Variants in DYNLL1 observed in about 807,000 individuals in gnomAD.
The protein encoded by DYNLL1 is dynein light chain 1, cytoplasmic.
A neutral mutation model predicts 10.1 loss-of-function variants in DYNLL1; 3 were observed. The observed-to-expected ratio is 0.30, with a 90% confidence interval of 0.14 to 0.77. DYNLL1 has a LOEUF of 0.77. Ranked by LOEUF, DYNLL1 falls within the 30% of genes least tolerant of loss-of-function variation. The pLI is 0.66. For missense variants in DYNLL1, 47 were observed against 111.7 expected (o/e 0.42, Z 2.61); for synonymous variants, 46 against 41.2 (o/e 1.12, Z -0.45).
chr12:120,472,728 C>T (rs556205435), intron 1 of DYNLL1, among the ~76,000 whole-genome samples: 7 of 152,272 alleles, frequency 4.6e-5, no homozygotes, highest in African/African-American at 1.4e-4. Context: ...GTGCAATGTC[C>T]TGCAGCATAC....
At chr12:120,492,418 T>C (rs757319986), upstream of DYNLL1, among the ~76,000 whole-genome samples, 1 of 152,042 alleles carries the variant, frequency 6.6e-6, no homozygotes, top group Non-Finnish European at 1.5e-5. The surrounding 1 kb of genome is among the most constrained non-coding windows in gnomAD (Gnocchi z 4.1). Context: ...AATACAAAGA[T>C]TAGCCAGGTG....
chr12:120,498,491 G>A lies in DYNLL1; in HGVS notation c.*281G>A, dbSNP rs1868543119. 2 of 298,408 alleles carry A rather than the reference G, an allele frequency of 6.7e-6. No homozygotes were observed. Among genetic ancestry groups the A allele is most frequent in the African/African-American group, 4.4e-5 (2 of 45,646 alleles). 18.5% of individuals were successfully genotyped at this position (298,408 alleles called of 1,614,324 possible). ...TTTAAAAAATAAATCTGATGCAGAT[G>A]TGTATGTGTGTGAATTACAATTTGT... On this transcript the variant is annotated 3_prime_UTR_variant, in exon 3 of 3. Coordinates refer to ENST00000242577, the MANE Select transcript of DYNLL1 (RefSeq NM_003746.3).
At chr12:120,487,272 CTTTTTTTTTTTTTTTTTTTTTTTTT>C (rs71076619) in intron 1 of DYNLL1, among the ~76,000 whole-genome samples, 4 of 50,382 alleles carry the variant, frequency 7.9e-5, no homozygotes, top group East Asian at 1.2e-3. Flanking sequence ...CGTGCCCGGC[CTTTTTTTTTTTTTTTTTTTTTTTTT>C]TTTTTTTTTT....
At chr12:120,478,616 C>T (rs975775105) in intron 1 of DYNLL1, among the ~76,000 whole-genome samples, 1 of 150,102 alleles carries the variant, frequency 6.7e-6, no homozygotes, top group African/African-American at 2.4e-5. Flanking sequence ...CTTAGGGAGG[C>T]TGAGGCGGGC....
intron 1 of DYNLL1, among the ~76,000 whole-genome samples, chr12:120,486,259 C>T (rs1244323517): frequency 1.3e-5 from 2 of 152,058 alleles, no homozygotes; most frequent in African/African-American, 2.4e-5. Flanking sequence ...CACCTGGCAC[C>T]CTGCTAATGA....
intron 1 of DYNLL1, among the ~76,000 whole-genome samples, chr12:120,478,658 C>T (rs983098952): frequency 8.1e-5 from 12 of 148,252 alleles, no homozygotes; most frequent in African/African-American, 3.0e-4. Context: ...TCGAGACCAG[C>T]CTGGCCAACA....
chr12:120,473,364 G>A (rs1878688740), intron 1 of DYNLL1, among the ~76,000 whole-genome samples: 1 of 151,688 alleles, frequency 6.6e-6, no homozygotes, highest in Non-Finnish European at 1.5e-5. Flanking sequence ...TTTGAGACCA[G>A]GCTAGGCAAT....
rs1868415660 is a variant in DYNLL1, at chr12:120,496,532, C to T, written c.111C>T (p.Asp37=). The part of the protein sequence containing the change: ...QALEKYNIEK[D]IAAHIKKEFD... ...TGGAGAAATACAACATAGAGAAGGA[C>T]ATTGCGGCTCATATCAAGAAGGTGA... The change falls in exon 2 of 3, where the codon GAC becomes GAT. Residue 37 remains aspartate, a synonymous_variant. Transcript: ENST00000242577. 1 of 1,614,144 alleles carries T rather than the reference C, an allele frequency of 6.2e-7. No homozygotes were observed. The highest frequency in any genetic ancestry group is 8.5e-7 in the Non-Finnish European group (1 of 1,180,024).
chr12:120,478,800 CCAG>C (rs1486357118), intron 1 of DYNLL1, among the ~76,000 whole-genome samples: 1 of 150,384 alleles, frequency 6.6e-6, no homozygotes, highest in East Asian at 2.1e-4. Flanking sequence ...TTCTCCTGTC[CCAG>C]CCTCCCGAGT....
At chr12:120,486,676 A>G (rs1230665412) in intron 1 of DYNLL1, among the ~76,000 whole-genome samples, 3 of 151,830 alleles carry the variant, frequency 2.0e-5, no homozygotes, top group African/African-American at 4.8e-5. Flanking sequence ...GTCTTGCTAT[A>G]TTGCCCAGGC....
In DYNLL1 at chr12:120,496,187, C is replaced by T. The variant is rs1039670398; in HGVS notation, c.-36C>T. The T allele has an allele frequency of 4.0e-4, 250 of 627,460 alleles. 1 individual carries two copies. The highest frequency in any genetic ancestry group is 5.0e-4 in the Non-Finnish European group (180 of 361,298). The allele number at this position is 627,460 out of a possible 1,614,324, so 38.9% of individuals were successfully genotyped here. A position where few individuals can be genotyped will look rare whatever the true frequency, so the allele number is the denominator to read the frequency against. On this transcript the variant is annotated 5_prime_UTR_variant, in exon 1 of 3. Coordinates refer to ENST00000242577, the MANE Select transcript of DYNLL1 (RefSeq NM_003746.3). ...TGTGCTAGCACCTCCCCCAGGAGAC[C>T]GTTGCAGTCGGCCAGCCCCCTTCTC...
In DYNLL1 at chr12:120,496,407, G is replaced by A; in HGVS notation, c.-6-9G>A. On this transcript the variant is annotated splice_polypyrimidine_tract_variant and intron_variant, in intron 1 of 2. Transcript: ENST00000242577. ...AACTCAACCCCTTACCCCAGGCCTT[G>A]CCCACTAGGTAACCATGTGCGACCG... is the stretch of plus-strand genomic sequence containing the variant. The A allele has an allele frequency of 6.2e-7, 1 of 1,613,946 alleles. No homozygotes were observed. Among genetic ancestry groups the A allele is most frequent in the Non-Finnish European group, 8.5e-7 (1 of 1,179,974 alleles).
chr12:120,471,675 A>T (rs778672736), intron 1 of DYNLL1, among the ~76,000 whole-genome samples: 4 of 151,910 alleles, frequency 2.6e-5, no homozygotes, highest in Non-Finnish European at 5.9e-5. Context: ...CAGTGGCGTG[A>T]TCTCGGCTCA....
At chr12:120,476,900 C>T (rs1438023667) in intron 1 of DYNLL1, among the ~76,000 whole-genome samples, 3 of 151,650 alleles carry the variant, frequency 2.0e-5, no homozygotes, top group African/African-American at 7.3e-5. Flanking sequence ...GCATGAGCCA[C>T]CGCGCCCGGA....
At chr12:120,495,601 C>G (rs1283740601), upstream of DYNLL1, among the ~76,000 whole-genome samples, 1 of 150,080 alleles carries the variant, frequency 6.7e-6, no homozygotes, top group Non-Finnish European at 1.5e-5. Flanking sequence ...GAAGCCGGCC[C>G]TGCTTCAGAG....
intron 1 of DYNLL1, among the ~76,000 whole-genome samples, chr12:120,478,830 G>A (rs1592998620): frequency 1.3e-5 from 2 of 148,746 alleles, no homozygotes; most frequent in African/African-American, 2.5e-5. Flanking sequence ...GATTACAGGC[G>A]CCCGCCACCA....
chr12:120,494,290 CTT>C (rs550901143), upstream of DYNLL1, among the ~76,000 whole-genome samples: 22 of 141,590 alleles, frequency 1.6e-4, no homozygotes, highest in Admixed American at 1.4e-4. Context: ...CATTTTTTTC[CTT>C]TTTTTTTTTT....
intron 1 of DYNLL1, among the ~76,000 whole-genome samples, chr12:120,473,519 A>C (rs1878691530): frequency 6.6e-6 from 1 of 151,490 alleles, no homozygotes; most frequent in Non-Finnish European, 1.5e-5. Context: ...ACATGGCAAA[A>C]CCTCATCTTT....
chr12:120,475,587 A>T (rs116508580), intron 1 of DYNLL1, among the ~76,000 whole-genome samples: 1 of 152,246 alleles, frequency 6.6e-6, no homozygotes, highest in Non-Finnish European at 1.5e-5. Flanking sequence ...TTTGAGTTCT[A>T]TGTGGTAGCC....
Sources: allele counts gnomAD v4.1 joint callset (sites outside exome capture counted in the v4.1 genomes callset), GRCh38; gene constraint gnomAD v4.1.1; non-coding constraint Gnocchi (gnomAD v3.1); transcripts MANE v1.5; gene names NCBI Gene and HGNC (gene_info 2026-07-23, HGNC 2026-07-21).